The following MIPEP variants were observed in gnomAD, a reference collection of about 807,000 sequenced individuals.
MIPEP encodes the protein mitochondrial intermediate peptidase.
MIPEP carries 79 observed loss-of-function variants against 90.3 expected under a neutral mutation model. The ratio of observed to expected loss-of-function variants is 0.87; its 90% CI spans 0.73 to 1.05. MIPEP has a LOEUF of 1.05. Ranked by LOEUF, MIPEP falls within the 50% of genes least tolerant of loss-of-function variation. The probability of loss-of-function intolerance (pLI) is 0.00; values close to 1 mark genes in which losing one functional copy is unlikely to be tolerated. For synonymous variants in MIPEP, 334 were observed against 315.8 expected, an observed-to-expected ratio of 1.06 and a Z score of -0.61; for missense variants, 940 against 905.6, an observed-to-expected ratio of 1.04 and a Z score of -0.49.
intron 14 of MIPEP, among the ~76,000 whole-genome samples, chr13:23,818,450 G>GAATA (rs34537088): frequency 0.35 from 52,715 of 150,944 alleles, 9,774 homozygotes; most frequent in African/African-American, 0.48. Context: ...ATAAATAAAT[G>GAATA]AATAAATAAA....
chr13:23,886,651 CA>C (rs1472230162), intron 1 of MIPEP, 145 bp from the exon 2 acceptor site: 1 of 504,328 alleles, frequency 2.0e-6, no homozygotes, highest in African/African-American at 2.0e-5. Flanking sequence ...ATACCACTAT[CA>C]TACTCCCCAT....
chr13:23,838,719 C>T (rs1291914440), intron 12 of MIPEP, among the ~76,000 whole-genome samples: 1 of 152,274 alleles, frequency 6.6e-6, no homozygotes, highest in African/African-American at 2.4e-5. Flanking sequence ...TATTAGGAGC[C>T]AGGGCTCCTA....
At chr13:23,854,910 A>AC (rs199540860) in intron 10 of MIPEP, among the ~76,000 whole-genome samples, 1 of 151,586 alleles carries the variant, frequency 6.6e-6, no homozygotes, top group Non-Finnish European at 1.5e-5. Context: ...AGAAAAAAAA[A>AC]CAATAAACAA....
At chr13:23,870,279 A>T (rs937325626) in intron 5 of MIPEP, 84 bp from the exon 6 acceptor site, 1 of 845,796 alleles carries the variant, frequency 1.2e-6, no homozygotes, top group Non-Finnish European at 1.7e-6. Context: ...AAATATGTCA[A>T]ATCAACATAT....
At chr13:23,768,109 G>A (rs1952610625) in intron 16 of MIPEP, among the ~76,000 whole-genome samples, 1 of 151,414 alleles carries the variant, frequency 6.6e-6, no homozygotes, top group Non-Finnish European at 1.5e-5. Flanking sequence ...CTTTGAAATG[G>A]TGAAGACTGG....
At chr13:23,888,100 T>C (rs1871591191) in intron 1 of MIPEP, 1 of 439,526 alleles carries the variant, frequency 2.3e-6, no homozygotes, top group Non-Finnish European at 4.5e-6. Flanking sequence ...CCGAATATCA[T>C]GATACAAAAA....
intron 1 of MIPEP, 85 bp from the exon 2 acceptor site, chr13:23,886,591 A>C: frequency 8.6e-7 from 1 of 1,167,032 alleles, no homozygotes; most frequent in Non-Finnish European, 1.2e-6. Context: ...TTTTATCACA[A>C]AGGAGATCTT....
chr13:23,770,943 C>T (rs372722121), intron 16 of MIPEP, among the ~76,000 whole-genome samples: 11 of 152,166 alleles, frequency 7.2e-5, no homozygotes, highest in African/African-American at 2.2e-4. Context: ...CTCTGCATGG[C>T]GCATAAACAC....
At chr13:23,878,690 T>C (rs556798739) in intron 4 of MIPEP, among the ~76,000 whole-genome samples, 3 of 152,326 alleles carry the variant, frequency 2.0e-5, no homozygotes, top group South Asian at 2.1e-4. Flanking sequence ...TATTCTAACA[T>C]GTTGATTTAA....
intron 16 of MIPEP, among the ~76,000 whole-genome samples, chr13:23,768,942 C>T (rs1487521483): frequency 6.6e-6 from 1 of 152,102 alleles, no homozygotes; most frequent in Non-Finnish European, 1.5e-5. Context: ...GTAACTGACT[C>T]AAATGGAAAT....
At chr13:23,848,118 G>C (rs942271909) in intron 10 of MIPEP, among the ~76,000 whole-genome samples, 30 of 152,188 alleles carry the variant, frequency 2.0e-4, no homozygotes, top group Admixed American at 1.8e-3. Flanking sequence ...GGTTTCTGAA[G>C]CTTCAGTTTC....
At chr13:23,814,736 T>C (rs778354854) in intron 14 of MIPEP, among the ~76,000 whole-genome samples, 6 of 152,188 alleles carry the variant, frequency 3.9e-5, no homozygotes, top group Admixed American at 6.5e-5. Context: ...ACCATCGAAA[T>C]GGCTGCTTCA....
At chr13:23,784,006 C>A (rs142239488) in intron 16 of MIPEP, among the ~76,000 whole-genome samples, 2 of 152,040 alleles carry the variant, frequency 1.3e-5, no homozygotes, top group Non-Finnish European at 2.9e-5. Flanking sequence ...GAATCAATAT[C>A]GTGAAAATGG....
rs1200420943 is a variant in MIPEP, at chr13:23,809,906, C to T, written c.1672G>A (p.Val558Met). ...QTGQPLPKNMVSRLCESKKVC... is the reference protein window; with the variant it reads ...QTGQPLPKNMMSRLCESKKVC... ...TTTTTAGATTCACAAAGACGAGACA[C>T]CATATTTTTTGGCAGTGGCTTGATA... Residue 558 changes from valine to methionine, a missense_variant, in exon 15 of 19, where the codon GTG becomes ATG. Transcript: ENST00000382172. 1 of 1,613,160 alleles carries T rather than the reference C, an allele frequency of 6.2e-7. No individual in the cohort carries two copies. Among genetic ancestry groups the T allele is most frequent in the African/African-American group, 1.3e-5 (1 of 74,874 alleles).
At chr13:23,779,266 A>ATG (rs1371805920) in intron 16 of MIPEP, among the ~76,000 whole-genome samples, 1 of 152,218 alleles carries the variant, frequency 6.6e-6, no homozygotes, top group African/African-American at 2.4e-5. Flanking sequence ...GTTGTGAGTG[A>ATG]TGTGTATGTA....
At chr13:23,860,550 C>T (rs989460928) in intron 9 of MIPEP, among the ~76,000 whole-genome samples, 3 of 152,098 alleles carry the variant, frequency 2.0e-5, no homozygotes, top group East Asian at 1.9e-4. Flanking sequence ...GAGGGCTTGG[C>T]GGGAGCAGCA....
At chr13:23,860,778 G>A (rs533074002) in intron 9 of MIPEP, among the ~76,000 whole-genome samples, 4 of 152,294 alleles carry the variant, frequency 2.6e-5, no homozygotes, top group South Asian at 2.1e-4. Context: ...ACGGCTTCGA[G>A]TGGAGCAAAA....
intron 16 of MIPEP, chr13:23,760,690 A>G: frequency 4.4e-6 from 2 of 458,610 alleles, no homozygotes; most frequent in Non-Finnish European, 9.0e-6. Context: ...TCTGTTGTTT[A>G]AGCCACATAG....
intron 5 of MIPEP, among the ~76,000 whole-genome samples, chr13:23,873,387 G>C (rs1473883100): frequency 6.6e-6 from 1 of 152,202 alleles, no homozygotes; most frequent in Non-Finnish European, 1.5e-5. Flanking sequence ...CACAGACGGG[G>C]AAGACTGACC....
Sources: allele counts gnomAD v4.1 joint callset (sites outside exome capture counted in the v4.1 genomes callset), GRCh38; gene constraint gnomAD v4.1.1; transcripts MANE v1.5; gene names NCBI Gene and HGNC (gene_info 2026-07-23, HGNC 2026-07-21).